INTS4: variants seen among roughly 807,000 people sequenced by gnomAD.
INTS4 encodes MSTP093.
Under a neutral mutation model 119.5 loss-of-function variants are expected in INTS4, and 70 were observed. The observed-to-expected ratio is 0.59, with a 90% confidence interval of 0.48 to 0.71. INTS4 has a LOEUF of 0.71. Ranked by LOEUF, INTS4 falls within the 30% of genes least tolerant of loss-of-function variation. The probability of loss-of-function intolerance (pLI) is 0.00; values close to 1 mark genes in which losing one functional copy is unlikely to be tolerated. For missense variants in INTS4, 867 were observed against 1,173.2 expected (o/e 0.74, Z 3.81); for synonymous variants, 316 against 419.6 (o/e 0.75, Z 3.02).
chr11:77,897,149 G>C (rs1952560387), intron 18 of INTS4, among the ~76,000 whole-genome samples: 1 of 151,814 alleles, frequency 6.6e-6, no homozygotes, highest in African/African-American at 2.4e-5. Flanking sequence ...TTATGTATGA[G>C]AGCAAAGGAA....
At chr11:77,913,584 T>C (rs1953138260) in intron 15 of INTS4, among the ~76,000 whole-genome samples, 1 of 152,236 alleles carries the variant, frequency 6.6e-6, no homozygotes, top group Non-Finnish European at 1.5e-5. Context: ...GTGTTGGGAT[T>C]ACAGGCATGA....
At chr11:77,960,859 G>T in intron 5 of INTS4, 94 bp downstream of exon 5, 1 of 1,138,706 alleles carries the variant, frequency 8.8e-7, no homozygotes, top group Non-Finnish European at 1.2e-6. Flanking sequence ...AGTATATGCT[G>T]AAGAATTTAC....
chr11:77,945,593 C>T (rs1954029036), intron 8 of INTS4, among the ~76,000 whole-genome samples: 1 of 152,208 alleles, frequency 6.6e-6, no homozygotes, highest in African/African-American at 2.4e-5. Context: ...AACAGGCAGA[C>T]ATGCACAGCA....
At position 77,901,404 on chromosome 11, in the gene INTS4, C is replaced by G. The variant is rs770389967; in HGVS notation, c.2228+17G>C. 5.6e-6 allele frequency: 9 copies of G among 1,613,678 alleles called. No individual in the cohort carries two copies. In the South Asian group the frequency reaches 7.7e-5, roughly 14 times the overall value. ...GAAAGGAACATGCCACATATTTTGG[C>G]CAACCCCACATCTTACCCTCGTGTA... is the stretch of plus-strand genomic sequence containing the variant. On this transcript the variant is annotated intron_variant, in intron 18 of 22. Transcript: ENST00000534064.
At chr11:77,991,837 A>G (rs1313478667) in intron 1 of INTS4, among the ~76,000 whole-genome samples, 2 of 152,048 alleles carry the variant, frequency 1.3e-5, no homozygotes, top group African/African-American at 2.4e-5. Context: ...GGCTTGCTGC[A>G]ATCTCCACCT....
intron 4 of INTS4, among the ~76,000 whole-genome samples, chr11:77,974,602 C>CTTT (rs34323538): frequency 3.6e-5 from 5 of 137,164 alleles, no homozygotes; most frequent in African/African-American, 1.4e-4. Flanking sequence ...GTAATCATGT[C>CTTT]TTTTTTTTTT....
At chr11:77,940,846 G>A (rs1953914164) in intron 9 of INTS4, among the ~76,000 whole-genome samples, 1 of 152,062 alleles carries the variant, frequency 6.6e-6, no homozygotes, top group African/African-American at 2.4e-5. Flanking sequence ...TGTTGGCCGG[G>A]CTGGTCTCAA....
At chr11:77,940,463 G>C (rs558370409) in intron 9 of INTS4, among the ~76,000 whole-genome samples, 27 of 152,106 alleles carry the variant, frequency 1.8e-4, no homozygotes, top group African/African-American at 3.6e-4. Context: ...CGTGGGGTTG[G>C]GGGTATTTTG....
At chr11:77,973,202 AT>A (rs1483329432) in intron 4 of INTS4, among the ~76,000 whole-genome samples, 1 of 152,148 alleles carries the variant, frequency 6.6e-6, no homozygotes, top group Non-Finnish European at 1.5e-5. Flanking sequence ...TCATTTTCAT[AT>A]TGTTCACTGC....
rs369107524 is a variant in INTS4 at position 77,971,492 on chromosome 11, C to T, written c.471+7504G>A. 1.9e-4 allele frequency among the ~76,000 whole-genome samples: 29 copies of T among 151,874 alleles called. No individual in the cohort carries two copies. In the East Asian group the frequency reaches 3.3e-3, roughly 17 times the overall value. ...TGAAACCCCGTCTCTACCAAAAATA[C>T]AAAAAATCAGCTGGGCACACGCCTG... is the stretch of plus-strand genomic sequence containing the variant. On this transcript the variant is annotated intron_variant, in intron 4 of 22. Transcript: ENST00000534064.
At chr11:77,900,266 A>G (rs1184240521) in intron 18 of INTS4, among the ~76,000 whole-genome samples, 1 of 151,852 alleles carries the variant, frequency 6.6e-6, no homozygotes, top group East Asian at 1.9e-4. Flanking sequence ...TGCCCGGCTA[A>G]TTTTATGTAT....
At chr11:77,980,990 TA>T (rs555825853) in intron 3 of INTS4, among the ~76,000 whole-genome samples, 399 of 142,816 alleles carry the variant, frequency 2.8e-3, no homozygotes, top group Middle Eastern at 3.7e-3. Flanking sequence ...GAGACTCCGT[TA>T]AAAAAAAAAA....
rs1445627895 is a variant in INTS4 at position 77,960,324 on chromosome 11, G to A, written c.708+17C>T. 26 of 1,578,180 alleles carry A rather than the reference G, an allele frequency of 1.6e-5. No individual in the cohort carries two copies. The highest frequency in any genetic ancestry group is 2.1e-5 in the Non-Finnish European group (24 of 1,150,102). ...TGATACCTCCAACCCCTTCCAGACAGTAATCATATAAGGTACCTGATTATA... is the reference window on the plus strand; with the variant it reads ...TGATACCTCCAACCCCTTCCAGACAATAATCATATAAGGTACCTGATTATA... On this transcript the variant is annotated intron_variant, in intron 6 of 22. Coordinates refer to ENST00000534064, the MANE Select transcript of INTS4 (RefSeq NM_033547.4).
rs564720876 is a variant in INTS4, at chr11:77,924,779, C to A, written c.1485G>T (p.Lys495Asn). Residue 495 changes from lysine to asparagine, a missense_variant, in exon 12 of 23, where the codon AAG becomes AAT. Physicochemically the swap from Lys to Asn is moderately conservative, Grantham distance 94. Around this residue, in one of 5 missense-constraint regions of INTS4, gnomAD observed 51 missense variants for 125.5 expected, o/e 0.41. Coordinates refer to ENST00000534064, the MANE Select transcript of INTS4 (RefSeq NM_033547.4). ...ATATGGAGTCCCTATCAGTAGGGTA[C>A]TTGGTTAAATTTTTCAGCAGCTCCA... ...ALVELLKNLT[K>N]YPTDRDSIWK... The A allele has an allele frequency of 6.2e-7, 1 of 1,609,120 alleles. No individual in the cohort carries two copies. The highest frequency in any genetic ancestry group is 2.2e-5 in the East Asian group (1 of 44,854).
intron 4 of INTS4, among the ~76,000 whole-genome samples, chr11:77,966,552 C>T (rs1464916912): frequency 6.6e-6 from 1 of 152,192 alleles, no homozygotes; most frequent in Non-Finnish European, 1.5e-5. Context: ...AATAGATTGT[C>T]CTTTACCCAG....
rs1954213338 is a variant in INTS4, at chr11:77,952,207, A to C, written c.918+3735T>G. ...CAGCTTTACCTCTTAGCTTGCACAG[A>C]GATACTAATAAAGCAGCAGGGCCTT... On this transcript the variant is annotated intron_variant, in intron 8 of 22. Transcript: ENST00000534064. 3.9e-5 allele frequency among the ~76,000 whole-genome samples: 6 copies of C among 152,210 alleles called. No homozygotes were observed. In the South Asian group the frequency reaches 1.2e-3, roughly 32 times the overall value.
chr11:77,920,844 T>C (rs1257759316), intron 14 of INTS4, among the ~76,000 whole-genome samples: 1 of 151,662 alleles, frequency 6.6e-6, no homozygotes, highest in Non-Finnish European at 1.5e-5. Context: ...AGAGCAAGAC[T>C]CCGTCTCAAA....
At chr11:77,965,654 G>A (rs1211135011) in intron 4 of INTS4, among the ~76,000 whole-genome samples, 1 of 152,178 alleles carries the variant, frequency 6.6e-6, no homozygotes, top group Non-Finnish European at 1.5e-5. Flanking sequence ...ATGAATGACA[G>A]GATCTCCTTC....
rs200045522 is a variant in INTS4 at position 77,892,903 on chromosome 11, AG to A, written c.2289-1064del. Among the ~76,000 whole-genome samples the A allele has an allele frequency of 1.9e-3, 287 of 152,340 alleles. 1 individual carries two copies. Among genetic ancestry groups the A allele is most frequent in the African/African-American group, 6.7e-3 (278 of 41,590 alleles). ...CAGCCTCAAAACTAGGATCTTAAAA[AG>A]CCAAGCTAGATGGTAAGTTTGCTAG... On this transcript the variant is annotated intron_variant, in intron 19 of 22. Transcript: ENST00000534064.
Sources: gnomAD v4.1 joint callset for allele counts (sites outside exome capture counted in the v4.1 genomes callset) on GRCh38, gnomAD v4.1.1 for gene constraint, gnomAD v4.1.1 regional missense constraint, MANE v1.5 for transcripts, NCBI Gene and HGNC (gene_info 2026-07-23, HGNC 2026-07-21) for gene names.